HYAL4: variants seen among roughly 807,000 people sequenced by gnomAD.
HYAL4 encodes hyaluronidase-4.
Under a neutral mutation model 35.2 loss-of-function variants are expected in HYAL4, and 37 were observed. The observed-to-expected ratio is 1.05, with a 90% CI of 0.81 to 1.38. The LOEUF is 1.38. Among genes scored for constraint, HYAL4 ranks in the 40% most tolerant of loss-of-function variants. HYAL4 has a pLI of 0.00. For synonymous variants in HYAL4, 198 were observed against 203.2 expected, an observed-to-expected ratio of 0.97 and a Z score of 0.22; for missense variants, 572 against 572.4, an observed-to-expected ratio of 1.00 and a Z score of 0.01.
the HYAL4 span, among the ~76,000 whole-genome samples, chr7:123,817,773 G>A: frequency 2.0e-5 from 3 of 150,748 alleles, no homozygotes; most frequent in South Asian, 2.1e-4. Context: ...GCCTCCCAAA[G>A]TGCTGGGATT....
Position 123,851,247 on chromosome 7 carries a change from G to T in HYAL4, c.-52+3089G>T, listed in dbSNP as rs530991371. ...ATATTACATTTGATGTTTCAACAAA[G>T]TTTTTTTAAATTATACTTTAAGTTC... On this transcript the variant is annotated intron_variant, in intron 2 of 4. Transcript: ENST00000223026. Among the ~76,000 whole-genome samples, 11 of 151,868 alleles carry T rather than the reference G, an allele frequency of 7.2e-5. No individual in the cohort carries two copies. In the South Asian group the frequency reaches 2.1e-3, roughly 29 times the overall value.
chr7:123,774,137 G>A, the HYAL4 span, among the ~76,000 whole-genome samples: 1 of 152,142 alleles, frequency 6.6e-6, no homozygotes, highest in African/African-American at 2.4e-5. Flanking sequence ...CTGGGTTCAA[G>A]TGATCCTCCT....
chr7:123,772,681 A>G, the HYAL4 span, among the ~76,000 whole-genome samples: 10 of 152,318 alleles, frequency 6.6e-5, no homozygotes, highest in East Asian at 1.9e-3. Context: ...TGGTGTAGAA[A>G]TTGTGACTTG....
At chr7:123,804,373 G>A in the HYAL4 span, among the ~76,000 whole-genome samples, 3 of 152,262 alleles carry the variant, frequency 2.0e-5, no homozygotes, top group East Asian at 3.9e-4. Flanking sequence ...TGTTTATCTT[G>A]AAGAGTCCTA....
At chr7:123,847,289 T>G (rs1028544705) in intron 1 of HYAL4, among the ~76,000 whole-genome samples, 4 of 152,216 alleles carry the variant, frequency 2.6e-5, no homozygotes, top group Non-Finnish European at 5.9e-5. Flanking sequence ...CTTTTCATTT[T>G]CAGCTTTATA....
chr7:123,828,312 A>C (rs1353810914), upstream of HYAL4, among the ~76,000 whole-genome samples: 1 of 152,166 alleles, frequency 6.6e-6, no homozygotes, highest in Non-Finnish European at 1.5e-5. Context: ...TACATGTATC[A>C]ACATAAAAAA....
chr7:123,817,196 A>G, the HYAL4 span, among the ~76,000 whole-genome samples: 12 of 151,946 alleles, frequency 7.9e-5, no homozygotes, highest in African/African-American at 2.9e-4. Context: ...CCTATTTCCT[A>G]CTTCTTTGCT....
At chr7:123,804,588 G>A in the HYAL4 span, among the ~76,000 whole-genome samples, 2 of 151,460 alleles carry the variant, frequency 1.3e-5, no homozygotes, top group African/African-American at 4.8e-5. Flanking sequence ...ATTTTAAATA[G>A]GACGTATATG....
chr7:123,833,520 T>A (rs572976437), intron 1 of HYAL4, among the ~76,000 whole-genome samples: 3 of 152,236 alleles, frequency 2.0e-5, no homozygotes, highest in Non-Finnish European at 4.4e-5. Flanking sequence ...TTTCTCCCAC[T>A]CTGTGGGTTG....
chr7:123,834,347 A>G (rs892057632), intron 1 of HYAL4, among the ~76,000 whole-genome samples: 1 of 151,840 alleles, frequency 6.6e-6, no homozygotes, highest in African/African-American at 2.4e-5. Context: ...TTTTGCGGTT[A>G]TTGTAAAAGG....
At chr7:123,874,991 A>G in intron 4 of HYAL4, 141 bp downstream of exon 4, 1 of 605,702 alleles carries the variant, frequency 1.7e-6, no homozygotes, top group Non-Finnish European at 3.0e-6. Flanking sequence ...AGCAAAGGCT[A>G]AAAAATATTG....
chr7:123,853,977 T>C (rs931589525), intron 2 of HYAL4, among the ~76,000 whole-genome samples: 7 of 152,210 alleles, frequency 4.6e-5, no homozygotes. Context: ...TTTCCAGGAA[T>C]GTATCTGTTT....
At chr7:123,771,483 C>A in the HYAL4 span, among the ~76,000 whole-genome samples, 1 of 152,128 alleles carries the variant, frequency 6.6e-6, no homozygotes, top group African/African-American at 2.4e-5. Context: ...CATCTAGTAT[C>A]TGATTTCAGT....
the HYAL4 span, among the ~76,000 whole-genome samples, chr7:123,818,271 G>A: frequency 6.6e-6 from 1 of 152,204 alleles, no homozygotes; most frequent in African/African-American, 2.4e-5. Flanking sequence ...CAAATTCTGT[G>A]TGCTTTACCA....
the HYAL4 span, among the ~76,000 whole-genome samples, chr7:123,785,943 G>GAAAACAAAACAAAACAAAAC: frequency 6.6e-6 from 1 of 150,864 alleles, no homozygotes; most frequent in African/African-American, 2.4e-5. The surrounding 1 kb of genome is among the most constrained non-coding windows in gnomAD (Gnocchi z 4.5). Flanking sequence ...GTAGAAACAA[G>GAAAACAAAACAAAACAAAAC]AAAACAAAAC....
At chr7:123,837,246 A>C (rs1208638056) in intron 1 of HYAL4, among the ~76,000 whole-genome samples, 1 of 152,174 alleles carries the variant, frequency 6.6e-6, no homozygotes, top group East Asian at 1.9e-4. Context: ...ATCCCTTATA[A>C]CTTGTAAGGT....
chr7:123,848,763 C>G (rs889058077), intron 2 of HYAL4, among the ~76,000 whole-genome samples: 9 of 152,070 alleles, frequency 5.9e-5, no homozygotes, highest in East Asian at 1.9e-4. Flanking sequence ...GTTATACTTA[C>G]CATGATGGTC....
At chr7:123,796,979 A>C in the HYAL4 span, among the ~76,000 whole-genome samples, 1 of 152,242 alleles carries the variant, frequency 6.6e-6, no homozygotes, top group Non-Finnish European at 1.5e-5. Flanking sequence ...TCAAAAAAAA[A>C]GTCAGGATCT....
the HYAL4 span, among the ~76,000 whole-genome samples, chr7:123,816,631 T>G: frequency 6.6e-6 from 1 of 152,196 alleles, no homozygotes; most frequent in Non-Finnish European, 1.5e-5. Flanking sequence ...TTATTTTTAA[T>G]TTTTGTGGGT....
Sources: gnomAD v4.1 joint callset for allele counts (sites outside exome capture counted in the v4.1 genomes callset) on GRCh38, gnomAD v4.1.1 for gene constraint, Gnocchi (gnomAD v3.1) non-coding constraint, MANE v1.5 for transcripts, NCBI Gene and HGNC (gene_info 2026-07-23, HGNC 2026-07-21) for gene names.